The following ARID1B variants were observed in gnomAD, a reference collection of about 807,000 sequenced individuals.
The protein encoded by ARID1B is AT-rich interactive domain-containing protein 1B.
A neutral mutation model predicts 212.3 loss-of-function variants in ARID1B; 30 were observed. The ratio of observed to expected loss-of-function variants is 0.14; its 90% CI spans 0.11 to 0.19. The LOEUF (loss-of-function observed/expected upper bound fraction) is 0.19, where lower values mean the gene tolerates loss of function less well. Ranked by LOEUF, ARID1B falls within the 10% of genes least tolerant of loss-of-function variation. ARID1B has a pLI of 1.00. For synonymous variants in ARID1B, 1,402 were observed against 1,301.7 expected, an observed-to-expected ratio of 1.08 and a Z score of -1.66; for missense variants, 2,891 against 3,204.0, an observed-to-expected ratio of 0.90 and a Z score of 2.36.
intron 4 of ARID1B, among the ~76,000 whole-genome samples, chr6:157,044,904 C>G (rs915446625): frequency 3.3e-5 from 5 of 152,156 alleles, no homozygotes; most frequent in African/African-American, 1.2e-4. Flanking sequence ...GTTGCCTGAG[C>G]TGGTCTAGAA....
At chr6:156,937,172 G>A (rs1792310599) in intron 4 of ARID1B, 1 of 152,064 alleles carries the variant, frequency 6.6e-6, no homozygotes, top group Non-Finnish European at 1.5e-5. Flanking sequence ...GTAGCAGATA[G>A]TTCGCAGCTT....
At chr6:156,948,450 G>A (rs556231454) in intron 4 of ARID1B, among the ~76,000 whole-genome samples, 342 of 152,266 alleles carry the variant, frequency 2.2e-3, no homozygotes, top group Middle Eastern at 6.8e-3. Context: ...TCTGTTGCCA[G>A]GCTGGTGTTG....
intron 2 of ARID1B, among the ~76,000 whole-genome samples, chr6:156,867,170 A>G (rs1228603654): frequency 1.3e-5 from 2 of 152,208 alleles, no homozygotes; most frequent in East Asian, 1.9e-4. Context: ...TGGACCTACT[A>G]AAGGGTAGCA....
At chr6:157,086,957 T>C (rs1466642633) in intron 5 of ARID1B, among the ~76,000 whole-genome samples, 1 of 152,214 alleles carries the variant, frequency 6.6e-6, no homozygotes, top group African/African-American at 2.4e-5. Flanking sequence ...CCCTGCTAAC[T>C]CCTAGAAAGC....
chr6:157,170,743 T>C (rs981282794), intron 9 of ARID1B, among the ~76,000 whole-genome samples: 14 of 152,102 alleles, frequency 9.2e-5, no homozygotes, highest in African/African-American at 3.4e-4. Context: ...TCCAGGGTAC[T>C]CGCTGGCCCC....
In ARID1B at chr6:157,200,866, G is replaced by T. The variant is rs146625434; in HGVS notation, c.4641G>T (p.Pro1547=). ...PDRRPIQGQY[P]YPYSRERMQG... ...GCAGGCCCATCCAGGGCCAGTACCCGTATCCCTACAGCAGGGAGAGGATGC... is the reference window on the plus strand; with the variant it reads ...GCAGGCCCATCCAGGGCCAGTACCCTTATCCCTACAGCAGGGAGAGGATGC... Residue 1547 remains proline (P), a synonymous_variant, in exon 18 of 20, where the codon CCG becomes CCT. Transcript: ENST00000636930. This position sits in a 1 kb window ranked among gnomAD's most constrained non-coding sequence, Gnocchi z 4.3. The T allele has an allele frequency of 7.4e-6, 12 of 1,614,042 alleles. No homozygotes were observed. The highest frequency in any genetic ancestry group is 1.0e-5 in the Non-Finnish European group (12 of 1,180,030).
chr6:157,039,656 T>A (rs1051310943), intron 4 of ARID1B, among the ~76,000 whole-genome samples: 149 of 83,908 alleles, frequency 1.8e-3, no homozygotes, highest in African/African-American at 6.6e-3. Flanking sequence ...TTTCCTTCCT[T>A]CCTTCCTTCC....
chr6:157,070,101 C>T (rs1269225700), intron 4 of ARID1B, among the ~76,000 whole-genome samples: 3 of 151,982 alleles, frequency 2.0e-5, no homozygotes, highest in Admixed American at 2.0e-4. Context: ...ATTTAGTAAG[C>T]TCTGAATAGT....
At chr6:157,132,043 C>T (rs1458124985) in intron 6 of ARID1B, among the ~76,000 whole-genome samples, 1 of 152,076 alleles carries the variant, frequency 6.6e-6, no homozygotes, top group Non-Finnish European at 1.5e-5. Flanking sequence ...CTTTTATATT[C>T]CTGAAAGTTA....
chr6:156,878,007 C>T (rs936631578), intron 2 of ARID1B, among the ~76,000 whole-genome samples: 8 of 152,100 alleles, frequency 5.3e-5, no homozygotes, highest in Admixed American at 2.6e-4. Context: ...TGAACCACCG[C>T]GTCTGGCCCA....
intron 2 of ARID1B, among the ~76,000 whole-genome samples, chr6:156,899,602 ATCC>A (rs1333548733): frequency 6.6e-6 from 1 of 151,930 alleles, no homozygotes; most frequent in African/African-American, 2.4e-5. Flanking sequence ...GCGCCCACCT[ATCC>A]TCCTCGCCCC....
chr6:156,815,954 G>T (rs1583093056), intron 1 of ARID1B, among the ~76,000 whole-genome samples: 1 of 152,316 alleles, frequency 6.6e-6, no homozygotes, highest in East Asian at 1.9e-4. Flanking sequence ...GTTCAACCAA[G>T]TTAAGTAAGT....
intron 5 of ARID1B, among the ~76,000 whole-genome samples, chr6:157,092,978 C>T (rs1785373093): frequency 6.6e-6 from 1 of 152,174 alleles, no homozygotes; most frequent in Non-Finnish European, 1.5e-5. Context: ...GCTGAGTAGG[C>T]TGTCCCTGCT....
chr6:157,103,364 G>A lies in ARID1B; in HGVS notation c.2492-7108G>A, dbSNP rs571412213. On this transcript the variant is annotated intron_variant, in intron 5 of 19. Transcript: ENST00000636930. ...CTGTCTGTATGGAATGTACATTGTAGTCAGTTGAGACAATGAACGGAATTA... is the reference window on the plus strand; with the variant it reads ...CTGTCTGTATGGAATGTACATTGTAATCAGTTGAGACAATGAACGGAATTA... Among the ~76,000 whole-genome samples the A allele has an allele frequency of 1.1e-4, 17 of 152,226 alleles. No homozygotes were observed. The East Asian group carries it at 3.3e-3, about 29-fold the overall frequency.
At chr6:156,808,444 C>T (rs17087781) in intron 1 of ARID1B, among the ~76,000 whole-genome samples, 6,350 of 152,244 alleles carry the variant, frequency 0.042, 468 homozygotes, top group African/African-American at 0.15. Flanking sequence ...CAGCCTATCA[C>T]GTGGTGCTCT....
chr6:157,083,531 T>C (rs1183728272), intron 4 of ARID1B, among the ~76,000 whole-genome samples: 3 of 152,158 alleles, frequency 2.0e-5, no homozygotes, highest in Non-Finnish European at 4.4e-5. Flanking sequence ...CAGTTTCTTC[T>C]TCCTCCTCTC....
chr6:157,184,988 G>A (rs1792875256), intron 13 of ARID1B: 2 of 159,512 alleles, frequency 1.3e-5, no homozygotes, highest in Non-Finnish European at 2.7e-5. Context: ...ACACGGCCTT[G>A]TTTTGGAAAC....
intron 4 of ARID1B, among the ~76,000 whole-genome samples, chr6:156,998,991 A>G (rs1778763401): frequency 6.6e-6 from 1 of 152,208 alleles, no homozygotes. Context: ...AAGGAATGCA[A>G]GGTGGGAGAG....
Position 156,779,222 on chromosome 6 carries a change from G to A in ARID1B, c.1542G>A (p.Arg514=), listed in dbSNP as rs1395935659. The change falls in exon 1 of 20, where the codon CGG becomes CGA. Residue 514 remains arginine (R), a synonymous_variant. Coordinates refer to ENST00000636930, the MANE Select transcript of ARID1B (RefSeq NM_001374828.1). ...TCACCTCGCCCAGCCCCATGATGCG[G>A]AGCTACGGCGGCAGCTACCCCGAGT... ...QLLTSPSPMM[R]SYGGSYPEYS... The A allele has an allele frequency of 2.4e-6, 3 of 1,268,142 alleles. No homozygotes were observed. Among genetic ancestry groups the A allele is most frequent in the Admixed American group, 3.0e-5 (1 of 33,666 alleles). 78.6% of individuals were successfully genotyped at this position (1,268,142 alleles called of 1,614,324 possible).
Sources: allele counts gnomAD v4.1 joint callset (sites outside exome capture counted in the v4.1 genomes callset), GRCh38; gene constraint gnomAD v4.1.1; non-coding constraint Gnocchi (gnomAD v3.1); transcripts MANE v1.5; gene names NCBI Gene and HGNC (gene_info 2026-07-23, HGNC 2026-07-21).